The following ROBO2 variants were observed in gnomAD, a reference collection of about 807,000 sequenced individuals.
ROBO2 encodes the protein roundabout guidance receptor 2, also known as roundabout homolog 2.
Under a neutral mutation model 160.8 loss-of-function variants are expected in ROBO2, and 53 were observed. The observed-to-expected ratio is 0.33, with a 90% CI of 0.26 to 0.41. The LOEUF is 0.41. ROBO2 is among the 10% of genes least tolerant of loss of function. The pLI is 1.00. For missense variants in ROBO2, 1,577 were observed against 1,722.4 expected (o/e 0.92, Z 1.49); for synonymous variants, 664 against 611.7 (o/e 1.09, Z -1.26).
intron 2 of ROBO2, among the ~76,000 whole-genome samples, chr3:76,320,502 C>T (rs185514157): frequency 3.3e-4 from 50 of 152,236 alleles, no homozygotes; most frequent in African/African-American, 1.0e-3. Context: ...ATGTCAAAAA[C>T]TCTGTCATGA....
chr3:77,501,710 A>G (rs72901138), intron 5 of ROBO2, among the ~76,000 whole-genome samples: 1,696 of 152,236 alleles, frequency 0.011, 31 homozygotes, highest in African/African-American at 0.039. Context: ...TTTTCAATAG[A>G]AGAAAAAAAG....
intron 2 of ROBO2, among the ~76,000 whole-genome samples, chr3:76,983,216 T>A (rs949725868): frequency 6.6e-6 from 1 of 151,860 alleles, no homozygotes; most frequent in African/African-American, 2.4e-5. Flanking sequence ...GCCCGGAAGG[T>A]GGGGAGGTTG....
chr3:76,938,613 C>T (rs1487014019), intron 2 of ROBO2, among the ~76,000 whole-genome samples: 2 of 152,064 alleles, frequency 1.3e-5, no homozygotes. Context: ...GCCAGCTGCT[C>T]CTCTGGGTCT....
At chr3:77,026,814 G>C (rs1227807945) in intron 2 of ROBO2, among the ~76,000 whole-genome samples, 1 of 152,154 alleles carries the variant, frequency 6.6e-6, no homozygotes, top group African/African-American at 2.4e-5. Context: ...TAAGTGAATT[G>C]AATGAATTAT....
At chr3:76,312,447 A>G (rs945328941) in intron 2 of ROBO2, among the ~76,000 whole-genome samples, 4 of 152,316 alleles carry the variant, frequency 2.6e-5, no homozygotes, top group Admixed American at 1.3e-4. Flanking sequence ...CTTTTGTTGC[A>G]TTAAATATAT....
chr3:76,272,874 A>T (rs796263848), intron 2 of ROBO2, among the ~76,000 whole-genome samples: 51 of 17,604 alleles, frequency 2.9e-3, no homozygotes, highest in Middle Eastern at 0.062. Flanking sequence ...AAAATATATA[A>T]TATATATTTA....
chr3:77,062,952 T>C (rs946042488), intron 1 of ROBO2, among the ~76,000 whole-genome samples: 1 of 152,038 alleles, frequency 6.6e-6, no homozygotes, highest in Non-Finnish European at 1.5e-5. Flanking sequence ...CCCAGTTACA[T>C]TTTTTTTAAT....
At chr3:76,199,075 AC>A (rs1236643408) in intron 2 of ROBO2, among the ~76,000 whole-genome samples, 2 of 152,036 alleles carry the variant, frequency 1.3e-5, no homozygotes, top group Non-Finnish European at 2.9e-5. Context: ...CATCAACATC[AC>A]CCTGTACTTA....
chr3:76,685,364 A>G (rs2107058179), intron 2 of ROBO2, among the ~76,000 whole-genome samples: 2 of 152,228 alleles, frequency 1.3e-5, no homozygotes, highest in South Asian at 4.2e-4. Flanking sequence ...TCGTAAAATC[A>G]TATTTTAAAG....
At chr3:76,190,375 C>CCA (rs1343341091) in intron 2 of ROBO2, among the ~76,000 whole-genome samples, 1 of 152,036 alleles carries the variant, frequency 6.6e-6, no homozygotes, top group East Asian at 1.9e-4. Flanking sequence ...CTTATGCCTT[C>CCA]CACAGTTGGT....
intron 2 of ROBO2, among the ~76,000 whole-genome samples, chr3:76,955,888 CAAAAAA>C (rs35674535): frequency 8.1e-6 from 1 of 124,080 alleles, no homozygotes; most frequent in Non-Finnish European, 1.7e-5. Context: ...GAGACTCCGT[CAAAAAA>C]AAAAAAAAAA....
intron 2 of ROBO2, among the ~76,000 whole-genome samples, chr3:76,742,062 G>A (rs1344986983): frequency 2.6e-5 from 4 of 151,970 alleles, no homozygotes; most frequent in South Asian, 4.1e-4. Context: ...ATAAATGAGT[G>A]AAAAATTTCA....
chr3:77,232,369 C>A (rs2087329422), intron 2 of ROBO2, among the ~76,000 whole-genome samples: 1 of 151,796 alleles, frequency 6.6e-6, no homozygotes. Flanking sequence ...AGAGGCTGTT[C>A]TATAAAGTCC....
chr3:76,400,332 T>G (rs1462342151), intron 2 of ROBO2, among the ~76,000 whole-genome samples: 3 of 151,610 alleles, frequency 2.0e-5, no homozygotes, highest in Non-Finnish European at 4.4e-5. Context: ...TCCTCAGTCA[T>G]GAGTCACATG....
At chr3:76,734,486 C>A (rs1345736890) in intron 2 of ROBO2, among the ~76,000 whole-genome samples, 2 of 152,188 alleles carry the variant, frequency 1.3e-5, no homozygotes, top group Non-Finnish European at 2.9e-5. Context: ...AAACCCACAG[C>A]TCATAAATTT....
chr3:76,814,354 T>C (rs1321946652), intron 2 of ROBO2, among the ~76,000 whole-genome samples: 1 of 152,106 alleles, frequency 6.6e-6, no homozygotes, highest in African/African-American at 2.4e-5. Flanking sequence ...GTTACAACTA[T>C]CCCTTTTCTC....
chr3:77,506,836 C>A (rs909460699), intron 5 of ROBO2, among the ~76,000 whole-genome samples: 5 of 151,824 alleles, frequency 3.3e-5, no homozygotes, highest in African/African-American at 1.2e-4. Flanking sequence ...AAATACACTT[C>A]GAAGATAATA....
At chr3:76,268,007 G>A (rs765559111) in intron 2 of ROBO2, among the ~76,000 whole-genome samples, 1 of 152,148 alleles carries the variant, frequency 6.6e-6, no homozygotes, top group Non-Finnish European at 1.5e-5. Flanking sequence ...CATGACCAGA[G>A]ATGTGGCAAG....
chr3:77,402,131 G>T (rs1431586125), intron 2 of ROBO2, among the ~76,000 whole-genome samples: 1 of 151,986 alleles, frequency 6.6e-6, no homozygotes, highest in East Asian at 1.9e-4. Context: ...CCTTTGCAGG[G>T]ATATGGATGA....
Sources: gnomAD v4.1 joint callset for allele counts (sites outside exome capture counted in the v4.1 genomes callset) on GRCh38, gnomAD v4.1.1 for gene constraint, MANE v1.5 for transcripts, NCBI Gene and HGNC (gene_info 2026-07-23, HGNC 2026-07-21) for gene names.